The following GLRA3 variants were observed in gnomAD, a reference collection of about 807,000 sequenced individuals.
The protein encoded by GLRA3 is glycine receptor subunit alpha-3.
Under a neutral mutation model 60.4 loss-of-function variants are expected in GLRA3, and 44 were observed. That is an observed-to-expected ratio of 0.73 (90% CI 0.57 to 0.94). The LOEUF (loss-of-function observed/expected upper bound fraction) is 0.94. Ranked by LOEUF, GLRA3 falls within the 40% of genes least tolerant of loss-of-function variation. The pLI, the probability that GLRA3 is intolerant of heterozygous loss-of-function variation, is 0.00. For missense variants in GLRA3, 508 were observed against 564.6 expected (o/e 0.90, Z 1.02); for synonymous variants, 223 against 192.9 (o/e 1.16, Z -1.29).
At chr4:174,693,122 T>C (rs969138497) in intron 5 of GLRA3, among the ~76,000 whole-genome samples, 1 of 152,168 alleles carries the variant, frequency 6.6e-6, no homozygotes, top group Non-Finnish European at 1.5e-5. Flanking sequence ...GTTTACACTG[T>C]TGATAGTCTC....
At chr4:174,648,553 G>A (rs571645602) in intron 9 of GLRA3, among the ~76,000 whole-genome samples, 1 of 152,138 alleles carries the variant, frequency 6.6e-6, no homozygotes, top group Non-Finnish European at 1.5e-5. Context: ...CTACAGAAGA[G>A]TAGATATGTT....
At chr4:174,751,262 G>C (rs1234485052) in intron 3 of GLRA3, among the ~76,000 whole-genome samples, 2 of 152,110 alleles carry the variant, frequency 1.3e-5, no homozygotes, top group Non-Finnish European at 2.9e-5. Context: ...GCCATCGAAG[G>C]AGACATCAAG....
At chr4:174,794,966 T>A (rs1336233372) in intron 1 of GLRA3, among the ~76,000 whole-genome samples, 1 of 151,796 alleles carries the variant, frequency 6.6e-6, no homozygotes, top group African/African-American at 2.4e-5. Context: ...TATTGACATG[T>A]TCCAAAGAGC....
intron 1 of GLRA3, among the ~76,000 whole-genome samples, chr4:174,809,497 C>T (rs1480497336): frequency 6.6e-6 from 1 of 152,142 alleles, no homozygotes; most frequent in Non-Finnish European, 1.5e-5. Context: ...CTTTGGGAAG[C>T]CAAAGCAGGT....
At chr4:174,672,202 G>C (rs1733933246) in intron 7 of GLRA3, among the ~76,000 whole-genome samples, 1 of 152,024 alleles carries the variant, frequency 6.6e-6, no homozygotes, top group South Asian at 2.1e-4. Context: ...CATAGTGATG[G>C]GAGCAGAGAA....
rs1287092851 is a variant in GLRA3 at position 174,637,858 on chromosome 4, T to G, written c.*5928A>C. On this transcript the variant is annotated 3_prime_UTR_variant, in exon 10 of 10. Coordinates refer to ENST00000274093, the MANE Select transcript of GLRA3 (RefSeq NM_006529.4). ...ACTGAAAATAATATACATAGAAATT[T>G]TCATCAATTTCTATTTATCTATGTA... The G allele has an allele frequency of 6.6e-6, 1 of 152,190 alleles. No homozygotes were observed. The highest frequency in any genetic ancestry group is 6.5e-5 in the Admixed American group (1 of 15,274). The allele number at this position is 152,190 out of a possible 1,614,324, so 9.4% of individuals were successfully genotyped here. A position where few individuals can be genotyped will look rare whatever the true frequency, so the allele number is the denominator to read the frequency against.
At chr4:174,762,650 A>G (rs959368) in intron 3 of GLRA3, among the ~76,000 whole-genome samples, 144,067 of 152,186 alleles carry the variant, frequency 0.95, 68,666 homozygotes, top group East Asian at 1. Flanking sequence ...TGTGATCACC[A>G]AATAGATATG....
rs923917084 is a variant in GLRA3, at chr4:174,638,261, C to T, written c.*5525G>A. ...CATTGGGAGGAAAGCTGAATTGAAA[C>T]GCATCAAAGATTTATTTTAAATTCT... On this transcript the variant is annotated 3_prime_UTR_variant, in exon 10 of 10. Transcript: ENST00000274093. The T allele has an allele frequency of 2.0e-5, 3 of 152,068 alleles. No homozygotes were observed. The highest frequency in any genetic ancestry group is 6.6e-5 in the Admixed American group (1 of 15,252). 9.4% of individuals were successfully genotyped at this position (152,068 alleles called of 1,614,324 possible). A position where few individuals can be genotyped will look rare whatever the true frequency, so the allele number is the denominator to read the frequency against.
chr4:174,709,544 TC>T lies in GLRA3; in HGVS notation c.574+5943del, dbSNP rs1399644114. Reference sequence around the variant, plus strand: ...GAAAATAAATGAAAGCAACACGTTTTCTTCATACCTAAAAGCAAACATTTAT... The same window carrying T: ...GAAAATAAATGAAAGCAACACGTTTTTTCATACCTAAAAGCAAACATTTAT... On this transcript the variant is annotated intron_variant, in intron 5 of 9. Transcript: ENST00000274093. Among the ~76,000 whole-genome samples, 6 of 152,188 alleles carry T rather than the reference TC, an allele frequency of 3.9e-5. No homozygotes were observed. The East Asian group carries it at 5.8e-4, about 15-fold the overall frequency.
chr4:174,682,438 A>T (rs25400), intron 6 of GLRA3, among the ~76,000 whole-genome samples: 54,047 of 151,386 alleles, frequency 0.36, 10,228 homozygotes, highest in Middle Eastern at 0.46. Flanking sequence ...AATGCAATTT[A>T]AAAAAAAATG....
intron 4 of GLRA3, among the ~76,000 whole-genome samples, chr4:174,720,222 G>A (rs942678912): frequency 6.6e-6 from 1 of 152,096 alleles, no homozygotes; most frequent in African/African-American, 2.4e-5. Context: ...TTATTCTGTG[G>A]TAAAGATATT....
chr4:174,792,581 T>C (rs541336534), intron 1 of GLRA3, among the ~76,000 whole-genome samples: 3 of 152,312 alleles, frequency 2.0e-5, no homozygotes, highest in South Asian at 2.1e-4. Context: ...TATGCAGTTT[T>C]TCCAAACCCA....
At position 174,640,845 on chromosome 4, in the gene GLRA3, T is replaced by C. The variant is rs952896741; in HGVS notation, c.*2941A>G. On this transcript the variant is annotated 3_prime_UTR_variant, in exon 10 of 10. Coordinates refer to ENST00000274093, the MANE Select transcript of GLRA3 (RefSeq NM_006529.4). ...GAGCAGTCCGGATGATTCCCTAATA[T>C]AGCCACTGAGAGTTGGATGGGGTCT... 27 of 152,188 alleles carry C rather than the reference T, an allele frequency of 1.8e-4. No homozygotes were observed. The highest frequency in any genetic ancestry group is 7.9e-4 in the Admixed American group (12 of 15,260). 9.4% of individuals were successfully genotyped at this position (152,188 alleles called of 1,614,324 possible). A position where few individuals can be genotyped will look rare whatever the true frequency, so the allele number is the denominator to read the frequency against.
At position 174,642,740 on chromosome 4, in the gene GLRA3, C is replaced by A; in HGVS notation, c.*1046G>T. Reference sequence around the variant, plus strand: ...TCATTTAAAATTAAAACTTTCCCTACTTATATTTGGAGATAGGAGTTGAGA... The same window carrying A: ...TCATTTAAAATTAAAACTTTCCCTAATTATATTTGGAGATAGGAGTTGAGA... On this transcript the variant is annotated 3_prime_UTR_variant, in exon 10 of 10. Transcript: ENST00000274093. The A allele has an allele frequency of 2.7e-6, 2 of 738,876 alleles. No homozygotes were observed. The highest frequency in any genetic ancestry group is 3.3e-6 in the Non-Finnish European group (2 of 605,504). 45.8% of individuals were successfully genotyped at this position (738,876 alleles called of 1,614,324 possible).
chr4:174,643,214 A>G lies in GLRA3; in HGVS notation c.*572T>C, dbSNP rs964346057. The stretch of plus-strand genomic sequence containing the variant: ...TCTAAACAATTAAATTTAGTATTCC[A>G]AATCATTAAAGTCTTTTAATGCTCT... On this transcript the variant is annotated 3_prime_UTR_variant, in exon 10 of 10. Transcript: ENST00000274093. The G allele has an allele frequency of 1.3e-6, 1 of 752,988 alleles. No homozygotes were observed. Among genetic ancestry groups the G allele is most frequent in the African/African-American group, 1.9e-5 (1 of 51,990 alleles). The allele number at this position is 752,988 out of a possible 1,614,324, so 46.6% of individuals were successfully genotyped here. A position where few individuals can be genotyped will look rare whatever the true frequency, so the allele number is the denominator to read the frequency against.
At chr4:174,679,247 T>C (rs1314972683) in intron 6 of GLRA3, among the ~76,000 whole-genome samples, 1 of 151,790 alleles carries the variant, frequency 6.6e-6, no homozygotes, top group East Asian at 1.9e-4. Context: ...AGGAGAATGG[T>C]GTGAACCTGC....
intron 5 of GLRA3, among the ~76,000 whole-genome samples, chr4:174,694,721 G>T (rs1169790446): frequency 6.6e-6 from 1 of 151,658 alleles, no homozygotes; most frequent in East Asian, 1.9e-4. Flanking sequence ...CAGAAGACAA[G>T]AAATAACAAA....
intron 3 of GLRA3, among the ~76,000 whole-genome samples, chr4:174,737,590 T>G (rs546866352): frequency 2.8e-4 from 42 of 152,244 alleles, no homozygotes; most frequent in African/African-American, 1.0e-3. Context: ...CTTAGCTCAC[T>G]GTGACCTCTG....
chr4:174,774,972 C>G (rs1249727125), intron 2 of GLRA3, among the ~76,000 whole-genome samples: 1 of 152,110 alleles, frequency 6.6e-6, no homozygotes, highest in African/African-American at 2.4e-5. Flanking sequence ...GCACTTGTAA[C>G]ACTTCTGTTA....
Sources: allele counts gnomAD v4.1 joint callset (sites outside exome capture counted in the v4.1 genomes callset), GRCh38; gene constraint gnomAD v4.1.1; transcripts MANE v1.5; gene names NCBI Gene and HGNC (gene_info 2026-07-23, HGNC 2026-07-21).